ATP8A2: variants seen among roughly 807,000 people sequenced by gnomAD.
ATP8A2 encodes the protein phospholipid-transporting ATPase IB.
A neutral mutation model predicts 165.6 loss-of-function variants in ATP8A2; 100 were observed. The observed-to-expected ratio is 0.60, with a 90% CI of 0.51 to 0.71. The LOEUF (loss-of-function observed/expected upper bound fraction) is 0.71, where lower values mean the gene tolerates loss of function less well. ATP8A2 is among the 30% of genes least tolerant of loss of function. The probability of loss-of-function intolerance (pLI) is 0.00; values close to 1 mark genes in which losing one functional copy is unlikely to be tolerated. For missense variants in ATP8A2, 1,227 were observed against 1,479.5 expected, an observed-to-expected ratio of 0.83 and a Z score of 2.80; for synonymous variants, 543 against 548.8, an observed-to-expected ratio of 0.99 and a Z score of 0.15.
chr13:25,859,394 A>T (rs1427278122), intron 30 of ATP8A2, among the ~76,000 whole-genome samples: 1 of 152,118 alleles, frequency 6.6e-6, no homozygotes, highest in Non-Finnish European at 1.5e-5. Flanking sequence ...AAATAAGAAT[A>T]AAGGAAGGTT....
chr13:25,570,131 A>G, intron 16 of ATP8A2, among the ~76,000 whole-genome samples: 1 of 152,194 alleles, frequency 6.6e-6, no homozygotes, highest in South Asian at 2.1e-4. Context: ...GTTGCTGTTC[A>G]ATATTAATGA....
intron 1 of ATP8A2, among the ~76,000 whole-genome samples, chr13:25,454,585 C>G (rs969504171): frequency 2.0e-5 from 3 of 152,204 alleles, no homozygotes; most frequent in Non-Finnish European, 4.4e-5. Flanking sequence ...GGGACCCTCT[C>G]ATACTGGGTT....
intron 33 of ATP8A2, among the ~76,000 whole-genome samples, chr13:25,888,747 T>C (rs1953253629): frequency 6.6e-6 from 1 of 152,156 alleles, no homozygotes; most frequent in African/African-American, 2.4e-5. Flanking sequence ...TAATTCCAGC[T>C]ACTTGGGAGG....
intron 1 of ATP8A2, among the ~76,000 whole-genome samples, chr13:25,407,322 G>A (rs1280473112): frequency 6.6e-6 from 1 of 152,134 alleles, no homozygotes; most frequent in Non-Finnish European, 1.5e-5. Flanking sequence ...GGAAGAAAAA[G>A]GCTAATTGAA....
At chr13:25,802,971 A>G (rs1950652893) in intron 27 of ATP8A2, among the ~76,000 whole-genome samples, 1 of 149,078 alleles carries the variant, frequency 6.7e-6, no homozygotes, top group Admixed American at 6.6e-5. Context: ...TTTTTTTTTT[A>G]AGCTAATTAG....
chr13:25,818,120 G>A (rs1180516446), intron 27 of ATP8A2, among the ~76,000 whole-genome samples: 2 of 152,126 alleles, frequency 1.3e-5, no homozygotes, highest in African/African-American at 2.4e-5. Flanking sequence ...ATTAGCAAAA[G>A]ATTGCAATAT....
chr13:25,755,020 G>A lies in ATP8A2; in HGVS notation c.2385-14026G>A, dbSNP rs145021333. Among the ~76,000 whole-genome samples the A allele has an allele frequency of 9.5e-3, 1,451 of 152,278 alleles. 28 individuals are homozygous for A. The highest frequency in any genetic ancestry group is 0.033 in the African/African-American group (1,380 of 41,562). On this transcript the variant is annotated intron_variant, in intron 25 of 36. Coordinates refer to ENST00000381655, the MANE Select transcript of ATP8A2 (RefSeq NM_016529.6). ...TTTGGGTTTTTTGTTGTTGTTGGAG[G>A]TAAGAGTAAGAGGAAAAACTACTTC...
chr13:25,784,456 C>A (rs1340775227), intron 27 of ATP8A2, among the ~76,000 whole-genome samples: 1 of 152,226 alleles, frequency 6.6e-6, no homozygotes, highest in African/African-American at 2.4e-5. Context: ...TCAGAGACAG[C>A]ACCCACATAG....
chr13:25,908,672 C>A (rs1954019016), intron 33 of ATP8A2, among the ~76,000 whole-genome samples: 1 of 152,204 alleles, frequency 6.6e-6, no homozygotes, highest in Admixed American at 6.5e-5. Flanking sequence ...CCAAAGCTGG[C>A]ATGACTTGCT....
chr13:25,751,414 C>G (rs890913497), intron 25 of ATP8A2, among the ~76,000 whole-genome samples: 1 of 152,094 alleles, frequency 6.6e-6, no homozygotes, highest in Non-Finnish European at 1.5e-5. Flanking sequence ...TGAGTGAAAC[C>G]TTGAAGTGTT....
chr13:25,871,611 G>A (rs559074164), intron 33 of ATP8A2, among the ~76,000 whole-genome samples: 80 of 152,272 alleles, frequency 5.3e-4, no homozygotes, highest in Non-Finnish European at 7.5e-4. Flanking sequence ...TGATGCAAAA[G>A]CTATTGTGGA....
intron 33 of ATP8A2, among the ~76,000 whole-genome samples, chr13:25,891,297 G>A (rs1352836462): frequency 6.6e-6 from 1 of 151,990 alleles, no homozygotes; most frequent in African/African-American, 2.4e-5. Flanking sequence ...TAGAAATCAG[G>A]TTGCTTGTTA....
chr13:25,509,952 G>GC (rs1216949008), intron 2 of ATP8A2, among the ~76,000 whole-genome samples: 3 of 152,156 alleles, frequency 2.0e-5, no homozygotes, highest in Non-Finnish European at 2.9e-5. Flanking sequence ...TCTGGCGCAC[G>GC]CCCCAAATGT....
intron 11 of ATP8A2, among the ~76,000 whole-genome samples, chr13:25,552,154 T>C (rs954009538): frequency 6.6e-6 from 1 of 151,968 alleles, no homozygotes; most frequent in East Asian, 1.9e-4. Flanking sequence ...GCCTGGCTAA[T>C]TTTTGTATAT....
chr13:25,392,681 C>G (rs1354917487), intron 1 of ATP8A2, among the ~76,000 whole-genome samples: 1 of 152,136 alleles, frequency 6.6e-6, no homozygotes, highest in East Asian at 1.9e-4. Flanking sequence ...CTTACAAAAA[C>G]AAGACCTTAA....
chr13:25,850,668 C>G (rs1951984189), intron 30 of ATP8A2, among the ~76,000 whole-genome samples: 1 of 152,096 alleles, frequency 6.6e-6, no homozygotes, highest in Non-Finnish European at 1.5e-5. Flanking sequence ...AAAGTGAAAA[C>G]AGGAAAGACT....
At chr13:25,650,966 T>C (rs1241557555) in intron 24 of ATP8A2, among the ~76,000 whole-genome samples, 1 of 152,210 alleles carries the variant, frequency 6.6e-6, no homozygotes, top group African/African-American at 2.4e-5. Context: ...GCATTGTCCT[T>C]ATTGGATTAT....
At chr13:25,735,818 T>C (rs1302701436) in intron 25 of ATP8A2, among the ~76,000 whole-genome samples, 1 of 152,228 alleles carries the variant, frequency 6.6e-6, no homozygotes, top group African/African-American at 2.4e-5. Flanking sequence ...TTCATAAATT[T>C]AGGGTAGCCT....
At chr13:25,894,237 C>T (rs1953465694) in intron 33 of ATP8A2, among the ~76,000 whole-genome samples, 1 of 152,148 alleles carries the variant, frequency 6.6e-6, no homozygotes, top group Admixed American at 6.5e-5. Flanking sequence ...GATCCAGTTT[C>T]AGCTTTCTAC....
Sources: gnomAD v4.1 joint callset for allele counts (sites outside exome capture counted in the v4.1 genomes callset) on GRCh38, gnomAD v4.1.1 for gene constraint, MANE v1.5 for transcripts, NCBI Gene and HGNC (gene_info 2026-07-23, HGNC 2026-07-21) for gene names.